RBFOX1: variants seen among roughly 807,000 people sequenced by gnomAD.
RBFOX1 encodes RNA binding protein fox-1 homolog 1.
In RBFOX1, 8 loss-of-function variants were observed where a neutral mutation model predicts 57.7. The observed-to-expected ratio is 0.14, with a 90% CI of 0.08 to 0.25. RBFOX1 has a LOEUF of 0.25. Among genes scored for constraint, RBFOX1 ranks in the 10% least tolerant of loss-of-function variants. RBFOX1 has a pLI of 1.00. For synonymous variants in RBFOX1, 326 were observed against 222.4 expected (o/e 1.47, Z -4.15); for missense variants, 611 against 548.5 (o/e 1.11, Z -1.14).
intron 3 of RBFOX1, among the ~76,000 whole-genome samples, chr16:5,738,537 G>A (rs549352251): frequency 3.4e-5 from 5 of 146,636 alleles, no homozygotes; most frequent in Non-Finnish European, 7.4e-5. Context: ...AGGAGGCTGA[G>A]ACAGGAGAAT....
At chr16:6,667,175 T>C (rs1396793307) in intron 3 of RBFOX1, among the ~76,000 whole-genome samples, 1 of 152,130 alleles carries the variant, frequency 6.6e-6, no homozygotes, top group Non-Finnish European at 1.5e-5. Flanking sequence ...GGTGTTGAGT[T>C]AAATTAGCCT....
intron 3 of RBFOX1, among the ~76,000 whole-genome samples, chr16:6,917,479 C>A (rs1482764579): frequency 6.6e-6 from 1 of 152,358 alleles, no homozygotes; most frequent in Middle Eastern, 3.4e-3. Context: ...TCTCCGCCTT[C>A]TTTAAACCTG....
chr16:6,569,855 C>G (rs2097320477), intron 2 of RBFOX1, among the ~76,000 whole-genome samples: 1 of 152,160 alleles, frequency 6.6e-6, no homozygotes, highest in Admixed American at 6.6e-5. Context: ...CTATTTATAT[C>G]TTTTGAAATC....
intron 3 of RBFOX1, among the ~76,000 whole-genome samples, chr16:6,882,871 T>C (rs543385989): frequency 6.6e-6 from 1 of 152,302 alleles, no homozygotes; most frequent in Non-Finnish European, 1.5e-5. Context: ...AACAACCATC[T>C]TCCTGCTCTG....
chr16:5,476,033 C>T (rs1050937655), intron 2 of RBFOX1, among the ~76,000 whole-genome samples: 4 of 152,108 alleles, frequency 2.6e-5, no homozygotes, highest in Non-Finnish European at 1.5e-5. Context: ...CCAAGCAGCT[C>T]ATCCAGGCTC....
chr16:6,523,547 C>G (rs1002998633), intron 2 of RBFOX1, among the ~76,000 whole-genome samples: 1 of 152,174 alleles, frequency 6.6e-6, no homozygotes, highest in Non-Finnish European at 1.5e-5. Flanking sequence ...CTTTGGTACG[C>G]TACTTACCCT....
intron 4 of RBFOX1, among the ~76,000 whole-genome samples, chr16:7,342,662 C>T (rs1163901666): frequency 6.6e-6 from 1 of 152,092 alleles, no homozygotes; most frequent in Non-Finnish European, 1.5e-5. Context: ...CCTGCGTGGA[C>T]AGTGCAGAGA....
At chr16:5,452,400 C>T (rs1312315916) in intron 1 of RBFOX1, among the ~76,000 whole-genome samples, 1 of 152,062 alleles carries the variant, frequency 6.6e-6, no homozygotes, top group Non-Finnish European at 1.5e-5. Flanking sequence ...TGAGTTACTA[C>T]ACCCGGGCTG....
chr16:7,367,895 C>CAG (rs777305186), intron 4 of RBFOX1, among the ~76,000 whole-genome samples: 3 of 151,426 alleles, frequency 2.0e-5, no homozygotes, highest in Non-Finnish European at 4.4e-5. Flanking sequence ...TACACACACA[C>CAG]ACACACACAC....
intron 1 of RBFOX1, among the ~76,000 whole-genome samples, chr16:6,110,232 C>G (rs565647802): frequency 2.2e-5 from 3 of 137,544 alleles, no homozygotes; most frequent in South Asian, 2.3e-4. Flanking sequence ...TCTTTTAGCT[C>G]TCTGGTACCC....
chr16:5,978,740 C>G (rs542917567), intron 4 of RBFOX1, among the ~76,000 whole-genome samples: 1 of 151,094 alleles, frequency 6.6e-6, no homozygotes, highest in African/African-American at 2.4e-5. Flanking sequence ...ACCAGTCCGG[C>G]GTCCTGTACA....
Position 6,502,195 on chromosome 16 carries a change from T to C in RBFOX1, c.-63-152408T>C, listed in dbSNP as rs182606600. 7.9e-5 allele frequency among the ~76,000 whole-genome samples: 12 copies of C among 152,308 alleles called. No individual in the cohort carries two copies. The East Asian group carries it at 2.1e-3, about 27-fold the overall frequency. ...GTAGAGAAATTTTGTGCTTCTGTTA[T>C]ATCTTTCTCATGGGGAGCTATGCAG... On this transcript the variant is annotated intron_variant, in intron 2 of 15. Coordinates refer to ENST00000550418, the MANE Select transcript of RBFOX1 (RefSeq NM_018723.4).
chr16:7,253,650 T>G (rs1360026168), intron 4 of RBFOX1, among the ~76,000 whole-genome samples: 1 of 152,192 alleles, frequency 6.6e-6, no homozygotes, highest in African/African-American at 2.4e-5. Flanking sequence ...CCATCTTGCC[T>G]ATGCTTTGAC....
Position 7,574,542 on chromosome 16 carries a change from C to T in RBFOX1, c.271-5235C>T, listed in dbSNP as rs149221043. Among the ~76,000 whole-genome samples the T allele has an allele frequency of 6.6e-3, 1,009 of 152,186 alleles. 5 individuals are homozygous for T. Among genetic ancestry groups the T allele is most frequent in the Middle Eastern group, 0.02 (6 of 294 alleles). ...GCTGAAGAACTTGGAGTCCCATGTT[C>T]GAGGGCAGGAAGCATCCAGCATGGG... On this transcript the variant is annotated intron_variant, in intron 5 of 15. Transcript: ENST00000550418.
At chr16:6,316,825 G>A (rs556291531) in intron 1 of RBFOX1, among the ~76,000 whole-genome samples, 170 bp from the exon 2 acceptor site, 1 of 152,182 alleles carries the variant, frequency 6.6e-6, no homozygotes, top group East Asian at 1.9e-4. Context: ...AAAATACATC[G>A]AAGAACTGAA....
At chr16:5,908,263 CACATATATATACAT>C (rs1333290708) in intron 4 of RBFOX1, among the ~76,000 whole-genome samples, 1 of 143,558 alleles carries the variant, frequency 7.0e-6, no homozygotes, top group Admixed American at 7.1e-5. Flanking sequence ...CACATATATA[CACATATATATACAT>C]ACATATATAT....
intron 1 of RBFOX1, among the ~76,000 whole-genome samples, chr16:6,062,046 T>A (rs948256415): frequency 6.6e-6 from 1 of 152,046 alleles, no homozygotes; most frequent in Non-Finnish European, 1.5e-5. Flanking sequence ...AACACTGACG[T>A]GCGTTTACTG....
intron 4 of RBFOX1, among the ~76,000 whole-genome samples, chr16:7,224,950 A>G (rs1350224453): frequency 6.6e-6 from 1 of 152,194 alleles, no homozygotes; most frequent in African/African-American, 2.4e-5. Flanking sequence ...GAGGGTGATA[A>G]GAGTGGCAGA....
rs536970196 is a variant in RBFOX1 at position 6,187,144 on chromosome 16, T to G, written c.-126-129851T>G. Among the ~76,000 whole-genome samples the G allele has an allele frequency of 1.2e-4, 18 of 152,256 alleles. No homozygotes were observed. In the South Asian group the frequency reaches 3.7e-3, roughly 32 times the overall value. ...CGTAGATGTATAGTTAGAAAGTTAT[T>G]GTCATGCTTGGCCCTATCATACAAA... On this transcript the variant is annotated intron_variant, in intron 1 of 15. Coordinates refer to ENST00000550418, the MANE Select transcript of RBFOX1 (RefSeq NM_018723.4).
Sources: gnomAD v4.1 joint callset for allele counts (sites outside exome capture counted in the v4.1 genomes callset) on GRCh38, gnomAD v4.1.1 for gene constraint, MANE v1.5 for transcripts, NCBI Gene and HGNC (gene_info 2026-07-23, HGNC 2026-07-21) for gene names.